Variants in MYT1L observed in about 807,000 individuals in gnomAD.
The protein encoded by MYT1L is myelin transcription factor 1 like, also known as myelin transcription factor 1-like protein.
In MYT1L, 12 loss-of-function variants were observed where a neutral mutation model predicts 126.7. That is an observed-to-expected ratio of 0.09 (90% confidence interval 0.06 to 0.15). The LOEUF is 0.15. Among genes scored for constraint, MYT1L ranks in the 10% least tolerant of loss-of-function variants. The pLI is 1.00. For missense variants in MYT1L, 979 were observed against 1,585.2 expected (o/e 0.62, Z 6.49); for synonymous variants, 541 against 604.2 (o/e 0.90, Z 1.53).
chr2:2,203,916 T>C (rs992905846), intron 2 of MYT1L, among the ~76,000 whole-genome samples: 5 of 152,046 alleles, frequency 3.3e-5, no homozygotes, highest in Non-Finnish European at 5.9e-5. Context: ...AACAGAGATA[T>C]AGACCAATGG....
intron 10 of MYT1L, among the ~76,000 whole-genome samples, chr2:1,921,588 G>A (rs13429763): frequency 0.048 from 7,343 of 152,174 alleles, 248 homozygotes; most frequent in Non-Finnish European, 0.059. Flanking sequence ...TGAGAAAAGC[G>A]CCATAACTGT....
chr2:2,183,963 G>A (rs757517889), intron 2 of MYT1L, among the ~76,000 whole-genome samples: 5 of 140,522 alleles, frequency 3.6e-5, no homozygotes, highest in Non-Finnish European at 4.6e-5. Context: ...AAGGGAGGGA[G>A]GGAAGAAGAG....
intron 4 of MYT1L, among the ~76,000 whole-genome samples, chr2:2,005,803 C>CGTT (rs1394791325): frequency 8.2e-6 from 1 of 122,664 alleles, no homozygotes; most frequent in East Asian, 2.5e-4. Context: ...TTCCTGTGTG[C>CGTT]CTTTCCTGCA....
intron 3 of MYT1L, among the ~76,000 whole-genome samples, chr2:2,098,172 A>AAC (rs143220012): frequency 4.6e-5 from 7 of 152,176 alleles, no homozygotes; most frequent in Non-Finnish European, 7.4e-5. Flanking sequence ...TAGTGATGCA[A>AAC]ACACACACAC....
chr2:1,848,785 T>C lies in MYT1L; in HGVS notation c.2774+2856A>G, dbSNP rs1480789319. Reference sequence around the variant, plus strand: ...CCATCTTCCTTTAGCGGGGGCTTTATGTAAGGACTGTCACGTGGAGGCAAC... The same window carrying C: ...CCATCTTCCTTTAGCGGGGGCTTTACGTAAGGACTGTCACGTGGAGGCAAC... On this transcript the variant is annotated intron_variant, in intron 19 of 24. Coordinates refer to ENST00000647738, the MANE Select transcript of MYT1L (RefSeq NM_001303052.2). This position sits in a 1 kb window ranked among gnomAD's most constrained non-coding sequence, Gnocchi z 4.8. Among the ~76,000 whole-genome samples, 1 of 152,136 alleles carries C rather than the reference T, an allele frequency of 6.6e-6. No individual in the cohort carries two copies. Among genetic ancestry groups the C allele is most frequent in the Non-Finnish European group, 1.5e-5 (1 of 68,038 alleles).
chr2:1,792,696 C>G (rs1197108582), intron 23 of MYT1L, among the ~76,000 whole-genome samples: 13 of 151,934 alleles, frequency 8.6e-5, no homozygotes, highest in Non-Finnish European at 1.6e-4. Context: ...GTGGTTAAAC[C>G]CTGTCTCTAC....
chr2:2,178,090 AAC>A (rs1206578812), intron 2 of MYT1L, among the ~76,000 whole-genome samples: 3 of 152,284 alleles, frequency 2.0e-5, no homozygotes, highest in East Asian at 1.9e-4. Flanking sequence ...ATTTTATATA[AAC>A]AGACTGTAAT....
chr2:2,188,552 T>C (rs1205466247), intron 2 of MYT1L, among the ~76,000 whole-genome samples: 1 of 152,228 alleles, frequency 6.6e-6, no homozygotes, highest in African/African-American at 2.4e-5. Flanking sequence ...AAATAAGTCC[T>C]GATCTGTGTG....
At chr2:2,207,135 G>A (rs543388334) in intron 2 of MYT1L, among the ~76,000 whole-genome samples, 1 of 152,248 alleles carries the variant, frequency 6.6e-6, no homozygotes, top group African/African-American at 2.4e-5. Flanking sequence ...TGTGGCCAGA[G>A]GTTCACAAGA....
intron 21 of MYT1L, among the ~76,000 whole-genome samples, chr2:1,829,273 TGACCCTCCCATACACCTG>T (rs1402109622): frequency 1.2e-4 from 18 of 151,152 alleles, no homozygotes; most frequent in African/African-American, 3.9e-4. Context: ...ACCTGTGAAC[TGACCCTCCCATACACCTG>T]TGAACTGACC....
chr2:2,042,543 A>G (rs912887701), intron 4 of MYT1L, among the ~76,000 whole-genome samples: 2 of 152,200 alleles, frequency 1.3e-5, no homozygotes, highest in Middle Eastern at 3.2e-3. Context: ...TTGTTCTAAT[A>G]TATTACCTTC....
intron 2 of MYT1L, among the ~76,000 whole-genome samples, chr2:2,210,362 CT>C (rs1485119184): frequency 6.6e-6 from 1 of 152,150 alleles, no homozygotes; most frequent in Non-Finnish European, 1.5e-5. Context: ...TTTCTTGTAG[CT>C]ATTTCATAGT....
At chr2:2,081,146 T>C (rs2075782677) in intron 3 of MYT1L, among the ~76,000 whole-genome samples, 1 of 152,158 alleles carries the variant, frequency 6.6e-6, no homozygotes, top group Non-Finnish European at 1.5e-5. Flanking sequence ...TTTAAATGGG[T>C]GAATTTTATA....
At chr2:1,861,047 C>T (rs1038648824) in intron 18 of MYT1L, among the ~76,000 whole-genome samples, 2 of 152,094 alleles carry the variant, frequency 1.3e-5, no homozygotes, top group South Asian at 2.1e-4. Context: ...CAGAGGGAAG[C>T]GGCGACAATG....
chr2:1,945,390 G>A (rs139691586), intron 8 of MYT1L, among the ~76,000 whole-genome samples: 2 of 152,150 alleles, frequency 1.3e-5, no homozygotes, highest in East Asian at 3.9e-4. Context: ...AGCTGAGGAG[G>A]GTGCCCAGAT....
At chr2:2,215,533 GC>G (rs1336231071) in intron 2 of MYT1L, among the ~76,000 whole-genome samples, 2 of 152,082 alleles carry the variant, frequency 1.3e-5, no homozygotes, top group Non-Finnish European at 2.9e-5. Flanking sequence ...AGGACATGAA[GC>G]AAAAACTGAA....
rs2031836571 is a variant in MYT1L at position 1,790,299 on chromosome 2, T to C, written c.*1568A>G. 1 of 152,150 alleles carries C rather than the reference T, an allele frequency of 6.6e-6. No individual in the cohort carries two copies. Among genetic ancestry groups the C allele is most frequent in the Admixed American group, 6.5e-5 (1 of 15,276 alleles). The allele number at this position is 152,150 out of a possible 1,614,324, so 9.4% of individuals were successfully genotyped here. On this transcript the variant is annotated 3_prime_UTR_variant, in exon 25 of 25. Transcript: ENST00000647738. ...GTACGTCTGTACTTCCTGCATAACA[T>C]CAAGACATGGAAGGAAGAGATGCTA...
At chr2:2,313,123 A>G (rs1346497679) in intron 1 of MYT1L, among the ~76,000 whole-genome samples, 1 of 152,194 alleles carries the variant, frequency 6.6e-6, no homozygotes, top group Non-Finnish European at 1.5e-5. Flanking sequence ...CATATCGTGT[A>G]TTCACTACCT....
At position 2,135,750 on chromosome 2, in the gene MYT1L, C is replaced by T. The variant is rs115124160; in HGVS notation, c.-304+37122G>A. Among the ~76,000 whole-genome samples the T allele has an allele frequency of 6.1e-3, 923 of 152,236 alleles. 12 individuals are homozygous for T. The highest frequency in any genetic ancestry group is 0.021 in the African/African-American group (887 of 41,536). On this transcript the variant is annotated intron_variant, in intron 3 of 24. Transcript: ENST00000647738. Reference sequence around the variant, plus strand: ...TGTGGTGGTGACAGCATGCCATCATCAATGAGTGACCAAAGGGCCAGAGAA... The same window carrying T: ...TGTGGTGGTGACAGCATGCCATCATTAATGAGTGACCAAAGGGCCAGAGAA...
Sources: gnomAD v4.1 joint callset for allele counts (sites outside exome capture counted in the v4.1 genomes callset) on GRCh38, gnomAD v4.1.1 for gene constraint, Gnocchi (gnomAD v3.1) non-coding constraint, MANE v1.5 for transcripts, NCBI Gene and HGNC (gene_info 2026-07-23, HGNC 2026-07-21) for gene names.